The following SYCE1 variants were observed in gnomAD, a reference collection of about 807,000 sequenced individuals.
SYCE1 encodes cancer/testis antigen 76.
SYCE1 carries 37 observed loss-of-function variants against 55.1 expected under a neutral mutation model. The ratio of observed to expected loss-of-function variants is 0.67; its 90% CI spans 0.52 to 0.88. The LOEUF (loss-of-function observed/expected upper bound fraction) is 0.88, where lower values mean the gene tolerates loss of function less well. Among genes scored for constraint, SYCE1 ranks in the 40% least tolerant of loss-of-function variants. SYCE1 has a pLI of 0.00. For synonymous variants in SYCE1, 163 were observed against 159.4 expected (o/e 1.02, Z -0.17); for missense variants, 399 against 416.4 (o/e 0.96, Z 0.36).
downstream of SYCE1, chr10:133,554,455 A>T: frequency 1.2e-6 from 1 of 859,822 alleles, no homozygotes; most frequent in Non-Finnish European, 2.0e-6. Context: ...CATGTATCAG[A>T]TGCACATGAC....
chr10:133,563,840 G>A (rs963174504), intron 1 of SYCE1, among the ~76,000 whole-genome samples: 3 of 152,270 alleles, frequency 2.0e-5, no homozygotes, highest in African/African-American at 2.4e-5. Context: ...TAATTGGCAT[G>A]TGTGAAAAAG....
downstream of SYCE1, chr10:133,554,232 G>C: frequency 6.5e-7 from 1 of 1,535,254 alleles, no homozygotes; most frequent in Non-Finnish European, 9.0e-7. Context: ...AAGAATTTCT[G>C]CACTTTGCCA....
At position 133,560,159 on chromosome 10, in the gene SYCE1, G is replaced by A. The variant is rs974476794; in HGVS notation, c.74-6C>T. On this transcript the variant is annotated splice_region_variant and splice_polypyrimidine_tract_variant and intron_variant, in intron 1 of 12. Transcript: ENST00000343131. ...CTGTGAGGACGTGTCCTGCCCTGTG[G>A]AGACAAAACCAAACATTTCAGAATC... 1.2e-6 allele frequency: 2 copies of A among 1,613,770 alleles called. No homozygotes were observed. The highest frequency in any genetic ancestry group is 2.2e-5 in the South Asian group (2 of 91,048).
intron 8 of SYCE1, 83 bp from the exon 9 acceptor site, chr10:133,556,130 C>A: frequency 6.6e-7 from 1 of 1,520,422 alleles, no homozygotes; most frequent in Non-Finnish European, 9.0e-7. Context: ...TTGTTTCATA[C>A]TTACTCACTA....
chr10:133,558,939 GCTTT>G lies in SYCE1; in HGVS notation c.205_208del (p.Lys69ProfsTer5), dbSNP rs2082720902. 2 of 1,611,062 alleles carry G rather than the reference GCTTT, an allele frequency of 1.2e-6. No individual in the cohort carries two copies. Among genetic ancestry groups the G allele is most frequent in the Non-Finnish European group, 8.5e-7 (1 of 1,179,372 alleles). The stretch of plus-strand genomic sequence containing the variant: ...CCGGGCCTCTCCTAGGTCTTTATTG[GCTTT>G]CTTTTTTGCTTCACCAAAGAGCAGA... On this transcript the variant is annotated frameshift_variant, in exon 4 of 13. Transcript: ENST00000343131. LOFTEE classifies it high-confidence loss of function.
In SYCE1 at chr10:133,557,861, T is replaced by C; in HGVS notation, c.374+3A>G. Reference sequence around the variant, plus strand: ...AGAGTTAGGCTCAGCTGGAAGCTCTTACCTGTGTGCCTCACTTTCCTTTTC... The same window carrying C: ...AGAGTTAGGCTCAGCTGGAAGCTCTCACCTGTGTGCCTCACTTTCCTTTTC... On this transcript the variant is annotated splice_donor_region_variant and intron_variant, in intron 6 of 12. Coordinates refer to ENST00000343131, the MANE Select transcript of SYCE1 (RefSeq NM_001143764.3). 6.2e-7 allele frequency: 1 copy of C among 1,614,142 alleles called. No individual in the cohort carries two copies. The highest frequency in any genetic ancestry group is 1.3e-5 in the African/African-American group (1 of 75,046).
Position 133,555,889 on chromosome 10 carries a change from C to T in SYCE1, c.610G>A (p.Ala204Thr), listed in dbSNP as rs201673542. Reference sequence around the variant, plus strand: ...TGATGCTTCACGTCTTCCAGTGTCGCCTTGACCAGCTTCTCTGCAGCACAA... The same window carrying T: ...TGATGCTTCACGTCTTCCAGTGTCGTCTTGACCAGCTTCTCTGCAGCACAA... ...QLLKEEKLVK[A>T]TLEDVKHQLC... is the part of the protein sequence containing the mutation. The change falls in exon 10 of 13, where the codon GCG (alanine) becomes ACG (threonine). Residue 204 changes from alanine to threonine, a missense_variant. Ala to Thr is a moderately conservative substitution (Grantham distance 58, BLOSUM62 0). Coordinates refer to ENST00000343131, the MANE Select transcript of SYCE1 (RefSeq NM_001143764.3). The T allele has an allele frequency of 2.6e-5, 42 of 1,614,040 alleles. 1 individual carries two copies. The East Asian group carries it at 5.1e-4, about 20-fold the overall frequency.
At chr10:133,567,822 A>C (rs896851046), upstream of SYCE1, 1 of 369,748 alleles carries the variant, frequency 2.7e-6, no homozygotes, top group African/African-American at 2.1e-5. Context: ...TTTTTGGCTG[A>C]GGGGACCCTA....
chr10:133,555,870 T>G lies in SYCE1; in HGVS notation c.629A>C (p.Lys210Thr). The G allele has an allele frequency of 2.5e-6, 4 of 1,614,094 alleles. No individual in the cohort carries two copies. Among genetic ancestry groups the G allele is most frequent in the Non-Finnish European group, 3.4e-6 (4 of 1,179,984 alleles). The change falls in exon 10 of 13, where the codon AAG (lysine) becomes ACG (threonine). Residue 210 changes from lysine to threonine, a missense_variant. Lys to Thr is a moderately conservative substitution (Grantham distance 78). Transcript: ENST00000343131. ...CCCACACAGGGAGCACAGCTGATGC[T>G]TCACGTCTTCCAGTGTCGCCTTGAC... ...KLVKATLEDV[K>T]HQLCSLCGAE...
chr10:133,555,402 G>A lies in SYCE1; in HGVS notation c.867C>T (p.Val289=), dbSNP rs138177213. Residue 289 remains valine, a synonymous_variant, in exon 12 of 13, where the codon GTC becomes GTT. Coordinates refer to ENST00000343131, the MANE Select transcript of SYCE1 (RefSeq NM_001143764.3). ...CTTGTGTGCTCTGGGCTTGGGCAGGGACTTGCATTCCATGCTTTTCCAGCT... is the reference window on the plus strand; with the variant it reads ...CTTGTGTGCTCTGGGCTTGGGCAGGAACTTGCATTCCATGCTTTTCCAGCT... ...KEELEKHGMQ[V]PAQAQSTQEE... 1.2e-6 allele frequency: 2 copies of A among 1,614,012 alleles called. No homozygotes were observed. Among genetic ancestry groups the A allele is most frequent in the African/African-American group, 1.3e-5 (1 of 74,928 alleles).
intron 1 of SYCE1, 117 bp from the exon 2 acceptor site, chr10:133,560,270 C>T (rs1331972255): frequency 1.9e-5 from 15 of 790,400 alleles, no homozygotes; most frequent in Non-Finnish European, 3.2e-5. Flanking sequence ...TTCTTCTTGT[C>T]CTGAGGTGGA....
At chr10:133,556,271 C>T (rs1241621236) in intron 8 of SYCE1, 5 of 597,388 alleles carry the variant, frequency 8.4e-6, no homozygotes, top group African/African-American at 1.9e-5. Context: ...AGTGGGGATG[C>T]TCATGGATTG....
chr10:133,554,975 C>T lies in SYCE1; in HGVS notation c.*17G>A, dbSNP rs1249647075. 2 of 1,526,070 alleles carry T rather than the reference C, an allele frequency of 1.3e-6. No individual in the cohort carries two copies. The highest frequency in any genetic ancestry group is 1.7e-4 in the Middle Eastern group (1 of 5,848). The allele number at this position is 1,526,070 out of a possible 1,614,324, so 94.5% of individuals were successfully genotyped here. ...CTTGGGCCTGACCCCTACTCCTCAC[C>T]AGTAGACTTAGCTGTATCAAAATAG... On this transcript the variant is annotated 3_prime_UTR_variant, in exon 13 of 13. Coordinates refer to ENST00000343131, the MANE Select transcript of SYCE1 (RefSeq NM_001143764.3).
chr10:133,555,884 T>C lies in SYCE1; in HGVS notation c.615A>G (p.Thr205=), dbSNP rs762537013. The C allele has an allele frequency of 6.2e-7, 1 of 1,614,062 alleles. No individual in the cohort carries two copies. Among genetic ancestry groups the C allele is most frequent in the Non-Finnish European group, 8.5e-7 (1 of 1,179,958 alleles). Residue 205 remains threonine, a synonymous_variant, in exon 10 of 13, where the codon ACA becomes ACG. Transcript: ENST00000343131. ...LLKEEKLVKA[T]LEDVKHQLCS... is the part of the protein sequence containing the mutation. ...ACAGCTGATGCTTCACGTCTTCCAG[T>C]GTCGCCTTGACCAGCTTCTCTGCAG... is the stretch of plus-strand genomic sequence containing the variant.
chr10:133,553,921 T>C (rs1288420668), downstream of SYCE1: 1 of 173,760 alleles, frequency 5.8e-6, no homozygotes, highest in Non-Finnish European at 1.2e-5. Context: ...TGACTATTTA[T>C]TAGTCTTTTT....
chr10:133,555,841 C>T lies in SYCE1; in HGVS notation c.658G>A (p.Glu220Lys). ...KHQLCSLCGAEGPSTLDEGLF... is the reference protein window; with the variant it reads ...KHQLCSLCGAKGPSTLDEGLF... ...CCCTCATCAAGGGTGGAGGGGCCCT[C>T]AGCCCCACACAGGGAGCACAGCTGA... The change falls in exon 10 of 13, where the codon GAG becomes AAG. Residue 220 changes from glutamate to lysine, a missense_variant. By Grantham distance (56) the Glu-to-Lys change is moderately conservative (BLOSUM62 1). Coordinates refer to ENST00000343131, the MANE Select transcript of SYCE1 (RefSeq NM_001143764.3). 6.2e-7 allele frequency: 1 copy of T among 1,613,982 alleles called. No homozygotes were observed. Among genetic ancestry groups the T allele is most frequent in the South Asian group, 1.1e-5 (1 of 91,066 alleles).
chr10:133,563,947 T>C (rs1160527509), intron 1 of SYCE1, among the ~76,000 whole-genome samples: 4 of 152,142 alleles, frequency 2.6e-5, no homozygotes, highest in African/African-American at 9.7e-5. Context: ...AATAGACTTT[T>C]TACTAAAATG....
chr10:133,566,128 C>T (rs1262224595), upstream of SYCE1, among the ~76,000 whole-genome samples: 1 of 152,218 alleles, frequency 6.6e-6, no homozygotes, highest in African/African-American at 2.4e-5. Context: ...CACAAGCCCA[C>T]GGTCCCTTCT....
rs779142116 is a variant in SYCE1 at position 133,557,078 on chromosome 10, CTGTT to C, written c.449_452del (p.Lys150ArgfsTer4). 54 of 1,614,020 alleles carry C rather than the reference CTGTT, an allele frequency of 3.3e-5. No individual in the cohort carries two copies. Among genetic ancestry groups the C allele is most frequent in the Non-Finnish European group, 4.1e-5 (48 of 1,180,006 alleles). ...ATGCTAAGGTTTACCTCAGCTGTCT[CTGTT>C]TGTTCTTCTCTTCTTCAATCTGCAA... On this transcript the variant is annotated frameshift_variant, in exon 7 of 13. Coordinates refer to ENST00000343131, the MANE Select transcript of SYCE1 (RefSeq NM_001143764.3). LOFTEE classifies it high-confidence loss of function.
Sources: allele counts gnomAD v4.1 joint callset (sites outside exome capture counted in the v4.1 genomes callset), GRCh38; gene constraint gnomAD v4.1.1; transcripts MANE v1.5; gene names NCBI Gene and HGNC (gene_info 2026-07-23, HGNC 2026-07-21).